The following PUM1 variants were observed in gnomAD, a reference collection of about 807,000 sequenced individuals.
PUM1 encodes pumilio homolog 1.
In PUM1, 13 loss-of-function variants were observed where a neutral mutation model predicts 131.8. The observed-to-expected ratio is 0.10, with a 90% CI of 0.06 to 0.16. The LOEUF (loss-of-function observed/expected upper bound fraction) is 0.16. Among genes scored for constraint, PUM1 ranks in the 10% least tolerant of loss-of-function variants. The pLI is 1.00. For missense variants in PUM1, 961 were observed against 1,512.4 expected (o/e 0.64, Z 6.05); for synonymous variants, 509 against 556.5 (o/e 0.91, Z 1.20).
At chr1:31,039,373 A>G (rs1361924075) in intron 2 of PUM1, among the ~76,000 whole-genome samples, 1 of 151,538 alleles carries the variant, frequency 6.6e-6, no homozygotes, top group African/African-American at 2.4e-5. Flanking sequence ...CAGGCGCCTG[A>G]TACCACACCC....
At chr1:31,065,531 C>T in intron 1 of PUM1, 85 bp downstream of exon 1, 1 of 1,470,012 alleles carries the variant, frequency 6.8e-7, no homozygotes. Flanking sequence ...CCCCCACAAC[C>T]ACTCTCAAAC....
In PUM1 at chr1:30,981,562, T is replaced by C. The variant is rs534679026; in HGVS notation, c.1159-157A>G. Among the ~76,000 whole-genome samples the C allele has an allele frequency of 2.8e-4, 42 of 152,322 alleles. No individual in the cohort carries two copies. The East Asian group carries it at 3.3e-3, about 12-fold the overall frequency. ...CTACTTCATTCCCATGGGATTAAAATGTTTCATACTTCTGTTCTCCCTGTC... is the reference window on the plus strand; with the variant it reads ...CTACTTCATTCCCATGGGATTAAAACGTTTCATACTTCTGTTCTCCCTGTC... On this transcript the variant is annotated intron_variant, in intron 7 of 21. Coordinates refer to ENST00000426105, the MANE Select transcript of PUM1 (RefSeq NM_001020658.2).
chr1:31,056,609 CTTTTTTTTTTTTTTTTTT>C (rs57685772), intron 2 of PUM1, among the ~76,000 whole-genome samples: 460 of 43,724 alleles, frequency 0.011, 9 homozygotes, highest in African/African-American at 0.038. Context: ...CTTTTCTTTT[CTTTTTTTTTTTTTTTTTT>C]TTTTTTTTTT....
chr1:30,951,133 C>T (rs1639917624), intron 16 of PUM1, among the ~76,000 whole-genome samples: 1 of 152,186 alleles, frequency 6.6e-6, no homozygotes, highest in South Asian at 2.1e-4. Flanking sequence ...GCCCATCCAA[C>T]CTCCTCATTC....
chr1:31,002,853 C>G (rs1030523004), intron 5 of PUM1, among the ~76,000 whole-genome samples: 3 of 152,146 alleles, frequency 2.0e-5, no homozygotes, highest in South Asian at 4.1e-4. Context: ...GAAGCCAAAA[C>G]CACTAAACTG....
intron 3 of PUM1, among the ~76,000 whole-genome samples, chr1:31,010,253 A>G (rs1035131362): frequency 1.3e-5 from 2 of 152,216 alleles, no homozygotes; most frequent in Admixed American, 6.5e-5. Flanking sequence ...TCTATACTCA[A>G]CTGCTGTGGT....
rs118020570 is a variant in PUM1 at position 30,956,248 on chromosome 1, A to G, written c.2324-2267T>C. 2.3e-4 allele frequency among the ~76,000 whole-genome samples: 35 copies of G among 151,966 alleles called. 1 individual carries two copies. The East Asian group carries it at 5.4e-3, about 24-fold the overall frequency. On this transcript the variant is annotated intron_variant, in intron 14 of 21. Transcript: ENST00000426105. ...CTGAAAAGAAAACAGCAGTCATAAG[A>G]CTGTTTTTTTTTGTTTTGTTTTTTG... is the stretch of plus-strand genomic sequence containing the variant.
At chr1:31,042,897 T>A (rs1643866360) in intron 2 of PUM1, among the ~76,000 whole-genome samples, 1 of 151,558 alleles carries the variant, frequency 6.6e-6, no homozygotes, top group Non-Finnish European at 1.5e-5. Context: ...ATGATTTTTC[T>A]TTTTTTTTCT....
At position 30,953,926 on chromosome 1, in the gene PUM1, G is replaced by C; in HGVS notation, c.2379C>G (p.Ala793=). 1 of 1,614,212 alleles carries C rather than the reference G, an allele frequency of 6.2e-7. No individual in the cohort carries two copies. Among genetic ancestry groups the C allele is most frequent in the Non-Finnish European group, 8.5e-7 (1 of 1,180,036 alleles). ...RYISAAPGAE[A]KYRSASSASS... Reference sequence around the variant, plus strand: ...AGGCGCTGCTTGCACTGCGGTACTTGGCTTCAGCGCCTGGAGCAGCAGAGA... The same window carrying C: ...AGGCGCTGCTTGCACTGCGGTACTTCGCTTCAGCGCCTGGAGCAGCAGAGA... Residue 793 remains alanine, a synonymous_variant, in exon 15 of 22, where the codon GCC becomes GCG. Transcript: ENST00000426105.
intron 3 of PUM1, among the ~76,000 whole-genome samples, chr1:31,014,594 C>A (rs962399707): frequency 4.6e-5 from 7 of 151,872 alleles, no homozygotes; most frequent in Non-Finnish European, 1.0e-4. Flanking sequence ...TCAAGACCAG[C>A]CTGGACAACA....
At chr1:31,010,857 C>T (rs1372511506) in intron 3 of PUM1, among the ~76,000 whole-genome samples, 1 of 152,190 alleles carries the variant, frequency 6.6e-6, no homozygotes. Flanking sequence ...CCTATAGCAA[C>T]TATGAGGCTT....
intron 6 of PUM1, among the ~76,000 whole-genome samples, chr1:30,993,250 C>T (rs1641859739): frequency 6.7e-6 from 1 of 150,236 alleles, no homozygotes; most frequent in South Asian, 2.1e-4. Flanking sequence ...AACTCATTAT[C>T]TAGGATATGC....
chr1:31,018,473 G>C (rs1404953656), intron 3 of PUM1, among the ~76,000 whole-genome samples: 3 of 150,160 alleles, frequency 2.0e-5, no homozygotes, highest in Non-Finnish European at 4.5e-5. Context: ...CCTAACCAAT[G>C]TGGTGAAACC....
chr1:31,006,108 C>A, intron 4 of PUM1, 77 bp from the exon 5 acceptor site: 1 of 1,299,652 alleles, frequency 7.7e-7, no homozygotes, highest in Non-Finnish European at 1.0e-6. Flanking sequence ...TCATGGATAA[C>A]CAATGGAATC....
intron 10 of PUM1, among the ~76,000 whole-genome samples, chr1:30,971,536 A>C (rs574738938): frequency 6.6e-6 from 1 of 152,328 alleles, no homozygotes; most frequent in East Asian, 1.9e-4. Flanking sequence ...TAAGCTAGTT[A>C]ACGGCAGAAG....
At chr1:30,968,275 G>A (rs369295704) in intron 11 of PUM1, 79 bp downstream of exon 11, 22 of 1,580,652 alleles carry the variant, frequency 1.4e-5, no homozygotes, top group South Asian at 7.8e-5. Flanking sequence ...TGAAAGCACT[G>A]CTCATTCCCC....
chr1:31,039,347 C>A (rs977400524), intron 2 of PUM1, among the ~76,000 whole-genome samples: 3 of 151,578 alleles, frequency 2.0e-5, no homozygotes, highest in African/African-American at 7.3e-5. Flanking sequence ...CTCAGCCTCC[C>A]GAGTAGCTGG....
At chr1:30,951,067 T>C (rs1639915597) in intron 16 of PUM1, among the ~76,000 whole-genome samples, 1 of 152,228 alleles carries the variant, frequency 6.6e-6, no homozygotes, top group South Asian at 2.1e-4. Context: ...CCTTGGCTTA[T>C]TATTTTCATT....
intron 17 of PUM1, among the ~76,000 whole-genome samples, chr1:30,947,752 T>C (rs1180177829): frequency 1.3e-5 from 2 of 152,088 alleles, no homozygotes; most frequent in South Asian, 2.1e-4. Flanking sequence ...ATGCCCAAAA[T>C]GTTGAGTACC....
Sources: allele counts gnomAD v4.1 joint callset (sites outside exome capture counted in the v4.1 genomes callset), GRCh38; gene constraint gnomAD v4.1.1; transcripts MANE v1.5; gene names NCBI Gene and HGNC (gene_info 2026-07-23, HGNC 2026-07-21).